Variants in CADM1 observed in about 807,000 individuals in gnomAD.
CADM1 encodes the protein TSLC-1.
Under a neutral mutation model 53.1 loss-of-function variants are expected in CADM1, and 15 were observed. That is an observed-to-expected ratio of 0.28 (90% CI 0.19 to 0.44). CADM1 has a LOEUF of 0.44. Among genes scored for constraint, CADM1 ranks in the 20% least tolerant of loss-of-function variants. The pLI is 1.00. For missense variants in CADM1, 434 were observed against 611.3 expected (o/e 0.71, Z 3.06); for synonymous variants, 281 against 243.0 (o/e 1.16, Z -1.45).
intron 1 of CADM1, among the ~76,000 whole-genome samples, chr11:115,490,778 C>A (rs895425017): frequency 6.6e-6 from 1 of 152,108 alleles, no homozygotes; most frequent in Non-Finnish European, 1.5e-5. Context: ...GGGTTTTGAA[C>A]ATAGATATAG....
intron 1 of CADM1, among the ~76,000 whole-genome samples, chr11:115,250,331 T>A (rs1942561783): frequency 6.6e-6 from 1 of 152,224 alleles, no homozygotes; most frequent in Non-Finnish European, 1.5e-5. Flanking sequence ...CAATTTAATA[T>A]GATTTTCTCT....
Position 115,175,375 on chromosome 11 carries a change from GA to G in CADM1, c.*1098del, listed in dbSNP as rs56789298. The G allele has an allele frequency of 0.44, 394,557 of 892,052 alleles. 28,413 individuals are homozygous for G. Among genetic ancestry groups the G allele is most frequent in the African/African-American group, 0.51 (27,327 of 53,122 alleles). 55.3% of individuals were successfully genotyped at this position (892,052 alleles called of 1,614,324 possible). On this transcript the variant is annotated 3_prime_UTR_variant, in exon 12 of 12. Transcript: ENST00000331581. Reference sequence around the variant, plus strand: ...ACTGCCTTCCTAACTAAGCACAAAGGAAAAAAAAAAAAAAATCAACTCTGTC... The same window carrying G: ...ACTGCCTTCCTAACTAAGCACAAAGGAAAAAAAAAAAAAATCAACTCTGTC...
At chr11:115,350,259 C>T (rs540017336) in intron 1 of CADM1, among the ~76,000 whole-genome samples, 21 of 152,348 alleles carry the variant, frequency 1.4e-4, no homozygotes, top group Admixed American at 1.1e-3. Context: ...GCGTGAGCCA[C>T]CGCGCCTGAC....
At chr11:115,443,381 A>G (rs1948370562) in intron 1 of CADM1, among the ~76,000 whole-genome samples, 1 of 152,208 alleles carries the variant, frequency 6.6e-6, no homozygotes, top group African/African-American at 2.4e-5. Context: ...AGATTGTACA[A>G]TAAGCAGAAA....
At chr11:115,315,264 C>G (rs774968228) in intron 1 of CADM1, among the ~76,000 whole-genome samples, 17 of 152,078 alleles carry the variant, frequency 1.1e-4, no homozygotes, top group Non-Finnish European at 2.2e-4. Context: ...TTAAACAGTA[C>G]AAATTTATGT....
Position 115,173,826 on chromosome 11 carries a change from C to A in CADM1, c.*2648G>T, listed in dbSNP as rs186469240. The A allele has an allele frequency of 2.0e-6, 2 of 983,280 alleles. No homozygotes were observed. Among genetic ancestry groups the A allele is most frequent in the Non-Finnish European group, 2.4e-6 (2 of 828,388 alleles). The allele number at this position is 983,280 out of a possible 1,614,324, so 60.9% of individuals were successfully genotyped here. ...AACTGGCCTAAAGGGAAAAATAAGA[C>A]GTCGGTGTGACTAAAGAACAAGCTT... On this transcript the variant is annotated 3_prime_UTR_variant, in exon 12 of 12. Transcript: ENST00000331581.
chr11:115,308,192 GTGTA>G (rs1944434021), intron 1 of CADM1, among the ~76,000 whole-genome samples: 1 of 70,454 alleles, frequency 1.4e-5, no homozygotes, highest in East Asian at 1.6e-3. Context: ...ACTCATAGGT[GTGTA>G]TATATATATA....
chr11:115,200,843 C>CG (rs1427879482), intron 8 of CADM1, among the ~76,000 whole-genome samples: 4 of 151,998 alleles, frequency 2.6e-5, no homozygotes, highest in Non-Finnish European at 5.9e-5. Flanking sequence ...GATAGAAGGG[C>CG]GGGGGGTGGA....
intron 3 of CADM1, among the ~76,000 whole-genome samples, chr11:115,232,775 T>C (rs1043738469): frequency 4.6e-5 from 7 of 152,172 alleles, no homozygotes; most frequent in Non-Finnish European, 8.8e-5. Context: ...TCAGTAAGAA[T>C]ACTGAATTTA....
At chr11:115,327,619 T>C (rs1427800893) in intron 1 of CADM1, among the ~76,000 whole-genome samples, 3 of 152,112 alleles carry the variant, frequency 2.0e-5, no homozygotes, top group African/African-American at 7.2e-5. Flanking sequence ...ACAACACACC[T>C]ACTGAGACCC....
intron 1 of CADM1, among the ~76,000 whole-genome samples, chr11:115,430,106 G>C (rs1948005665): frequency 6.6e-6 from 1 of 152,080 alleles, no homozygotes; most frequent in South Asian, 2.1e-4. Flanking sequence ...CCCCGCAAAT[G>C]AAACATTATG....
intron 1 of CADM1, among the ~76,000 whole-genome samples, chr11:115,244,109 A>G (rs1181874817): frequency 6.6e-6 from 1 of 152,220 alleles, no homozygotes; most frequent in Non-Finnish European, 1.5e-5. Context: ...GGCACTGGAG[A>G]GTCCCATTCG....
chr11:115,183,088 C>G (rs4938184), intron 10 of CADM1, among the ~76,000 whole-genome samples: 13 of 152,140 alleles, frequency 8.5e-5, no homozygotes, highest in African/African-American at 2.9e-4. Flanking sequence ...TGACCTGGCC[C>G]GATCCATTCC....
intron 8 of CADM1, among the ~76,000 whole-genome samples, chr11:115,203,970 T>G (rs1223885929): frequency 6.6e-6 from 1 of 152,204 alleles, no homozygotes; most frequent in East Asian, 1.9e-4. Context: ...TCATGAGTAT[T>G]TACTAGTGCC....
In CADM1 at chr11:115,175,019, C is replaced by T. The variant is rs978864643; in HGVS notation, c.*1455G>A. 4.1e-6 allele frequency: 4 copies of T among 985,734 alleles called. No homozygotes were observed. The African/African-American group carries it at 5.2e-5, about 13-fold the overall frequency. The allele number at this position is 985,734 out of a possible 1,614,324, so 61.1% of individuals were successfully genotyped here. A position where few individuals can be genotyped will look rare whatever the true frequency, so the allele number is the denominator to read the frequency against. On this transcript the variant is annotated 3_prime_UTR_variant, in exon 12 of 12. Transcript: ENST00000331581. ...AGTAGCTATGCACTATGGCTGCCATCATGCGAGGATCAGTAATTTTTGGCA... is the reference window on the plus strand; with the variant it reads ...AGTAGCTATGCACTATGGCTGCCATTATGCGAGGATCAGTAATTTTTGGCA...
chr11:115,320,156 G>A (rs1213283246), intron 1 of CADM1, among the ~76,000 whole-genome samples: 2 of 152,092 alleles, frequency 1.3e-5, no homozygotes, highest in East Asian at 1.9e-4. Flanking sequence ...CTAAAATCCT[G>A]GCCTCAGGCG....
intron 3 of CADM1, among the ~76,000 whole-genome samples, chr11:115,236,237 A>C (rs1042224143): frequency 9.8e-5 from 15 of 152,326 alleles, no homozygotes; most frequent in Admixed American, 3.3e-4. Context: ...TGCTACTGTC[A>C]TTCTTCATTC....
chr11:115,197,857 A>G lies in CADM1; in HGVS notation c.1111+549T>C, dbSNP rs562695622. 4.6e-5 allele frequency among the ~76,000 whole-genome samples: 7 copies of G among 152,344 alleles called. No individual in the cohort carries two copies. The South Asian group carries it at 1.5e-3, about 32-fold the overall frequency. ...GAACCAGTGAGGGGTGGTGGGGTAC[A>G]TATGATTAGCAACATAATTAAAGTC... On this transcript the variant is annotated intron_variant, in intron 9 of 11. Transcript: ENST00000331581.
At chr11:115,279,410 C>T (rs1182819364) in intron 1 of CADM1, among the ~76,000 whole-genome samples, 2 of 152,132 alleles carry the variant, frequency 1.3e-5, no homozygotes, top group Non-Finnish European at 2.9e-5. Flanking sequence ...GGGGAATTAT[C>T]CTGTACACAG....
Sources: allele counts gnomAD v4.1 joint callset (sites outside exome capture counted in the v4.1 genomes callset), GRCh38; gene constraint gnomAD v4.1.1; transcripts MANE v1.5; gene names NCBI Gene and HGNC (gene_info 2026-07-23, HGNC 2026-07-21).